The following TIAM1 variants were observed in gnomAD, a reference collection of about 807,000 sequenced individuals.
TIAM1 encodes rho guanine nucleotide exchange factor TIAM1.
In TIAM1, 65 loss-of-function variants were observed where a neutral mutation model predicts 163.5. The ratio of observed to expected loss-of-function variants is 0.40; its 90% CI spans 0.33 to 0.49. The LOEUF (loss-of-function observed/expected upper bound fraction) is 0.49. Ranked by LOEUF, TIAM1 falls within the 20% of genes least tolerant of loss-of-function variation. TIAM1 has a pLI of 0.77. For synonymous variants in TIAM1, 833 were observed against 810.1 expected (o/e 1.03, Z -0.48); for missense variants, 1,789 against 2,044.7 (o/e 0.87, Z 2.41).
chr21:31,529,208 C>T (rs931476785), intron 1 of TIAM1, among the ~76,000 whole-genome samples: 5 of 151,764 alleles, frequency 3.3e-5, no homozygotes, highest in African/African-American at 1.2e-4. Context: ...TGTGAGCCAC[C>T]GCGCCCAGCC....
chr21:31,456,607 T>C (rs1288537146), intron 2 of TIAM1, among the ~76,000 whole-genome samples: 3 of 143,360 alleles, frequency 2.1e-5, no homozygotes, highest in Non-Finnish European at 4.8e-5. Context: ...TCAACTTTCA[T>C]GTTTTTAAAA....
At chr21:31,188,883 T>A (rs2085421677) in intron 13 of TIAM1, among the ~76,000 whole-genome samples, 1 of 151,830 alleles carries the variant, frequency 6.6e-6, no homozygotes, top group Non-Finnish European at 1.5e-5. Flanking sequence ...CCCAGTTTTT[T>A]TTCTATTAAA....
At chr21:31,377,339 C>T (rs1037674015) in intron 2 of TIAM1, among the ~76,000 whole-genome samples, 5 of 152,054 alleles carry the variant, frequency 3.3e-5, no homozygotes, top group Non-Finnish European at 7.4e-5. Context: ...CTTCTTCCTC[C>T]GGGTAAGCTG....
chr21:31,228,643 A>T (rs563022540), intron 6 of TIAM1, among the ~76,000 whole-genome samples: 2 of 152,364 alleles, frequency 1.3e-5, no homozygotes, highest in Admixed American at 1.3e-4. Context: ...TAACACATAT[A>T]AACTGGGCAC....
chr21:31,532,090 C>T (rs1401745152), intron 1 of TIAM1, among the ~76,000 whole-genome samples: 1 of 152,136 alleles, frequency 6.6e-6, no homozygotes, highest in Non-Finnish European at 1.5e-5. Context: ...GCATTCCAGC[C>T]TGGGTGACAG....
In TIAM1 at chr21:31,130,317, T is replaced by C. The variant is rs2082364931; in HGVS notation, c.3943-2A>G. ...AATGGAAAGCCTGTGAGATCCTACC[T>C]GCAGAGGAGAAGGAACCAGCTGCAT... On this transcript the variant is annotated splice_acceptor_variant, in intron 24 of 27. Transcript: ENST00000541036. LOFTEE classifies it high-confidence loss of function. 6.2e-7 allele frequency: 1 copy of C among 1,612,708 alleles called. No homozygotes were observed.
intron 4 of TIAM1, among the ~76,000 whole-genome samples, chr21:31,259,076 G>C (rs542030185): frequency 6.6e-6 from 1 of 151,562 alleles, no homozygotes; most frequent in African/African-American, 2.4e-5. Context: ...GACACAATTT[G>C]AGTCAAGGGG....
At chr21:31,295,425 A>T (rs189681130) in intron 2 of TIAM1, among the ~76,000 whole-genome samples, 14 of 140,894 alleles carry the variant, frequency 9.9e-5, no homozygotes, top group Non-Finnish European at 1.8e-4. Flanking sequence ...CGCCGAGATC[A>T]CGCCACTGCA....
chr21:31,280,230 G>A (rs1278078097), intron 2 of TIAM1, among the ~76,000 whole-genome samples: 1 of 152,202 alleles, frequency 6.6e-6, no homozygotes, highest in Non-Finnish European at 1.5e-5. Flanking sequence ...ATTCCCACGT[G>A]TCATGGGAGG....
At chr21:31,504,663 G>T (rs1483636368) in intron 1 of TIAM1, among the ~76,000 whole-genome samples, 1 of 152,178 alleles carries the variant, frequency 6.6e-6, no homozygotes, top group Admixed American at 6.5e-5. Flanking sequence ...TGCACCAGGG[G>T]CTGATGACTT....
chr21:31,281,110 A>G (rs1476755008), intron 2 of TIAM1, among the ~76,000 whole-genome samples: 4 of 144,890 alleles, frequency 2.8e-5, no homozygotes, highest in East Asian at 4.1e-4. Flanking sequence ...AAAAAAAAAC[A>G]ACGACAAAAA....
chr21:31,297,839 G>C (rs1365669515), intron 2 of TIAM1, among the ~76,000 whole-genome samples: 1 of 152,184 alleles, frequency 6.6e-6, no homozygotes, highest in East Asian at 1.9e-4. Context: ...TGAAGAGGGA[G>C]GGGTGCAACT....
At chr21:31,466,898 T>C (rs1280180815) in intron 1 of TIAM1, among the ~76,000 whole-genome samples, 1 of 152,026 alleles carries the variant, frequency 6.6e-6, no homozygotes, top group African/African-American at 2.4e-5. Context: ...TTGAGGCAGA[T>C]TGATTCATCA....
chr21:31,177,923 G>A lies in TIAM1; in HGVS notation c.2887+4498C>T, dbSNP rs371167791. ...CTGAGACCCAGCAAGGCTCTCTGTC[G>A]AGGACACCAATCATCCACCTTAACT... is the stretch of plus-strand genomic sequence containing the variant. On this transcript the variant is annotated intron_variant, in intron 15 of 27. Coordinates refer to ENST00000541036, the MANE Select transcript of TIAM1 (RefSeq NM_001353694.2). Among the ~76,000 whole-genome samples the A allele has an allele frequency of 9.2e-5, 14 of 152,088 alleles. No individual in the cohort carries two copies. In the East Asian group the frequency reaches 2.7e-3, roughly 29 times the overall value.
chr21:31,157,091 T>G (rs781004321), intron 16 of TIAM1, among the ~76,000 whole-genome samples: 1 of 152,194 alleles, frequency 6.6e-6, no homozygotes, highest in Non-Finnish European at 1.5e-5. Flanking sequence ...GTAGGCTAAT[T>G]GATACAAACA....
chr21:31,457,010 T>G (rs951355475), intron 2 of TIAM1, among the ~76,000 whole-genome samples: 1 of 152,238 alleles, frequency 6.6e-6, no homozygotes, highest in Non-Finnish European at 1.5e-5. Flanking sequence ...TTTTGCAATG[T>G]TTTTCACAGT....
intron 2 of TIAM1, among the ~76,000 whole-genome samples, chr21:31,445,656 G>A (rs2044595336): frequency 6.6e-6 from 1 of 152,140 alleles, no homozygotes; most frequent in Admixed American, 6.5e-5. Flanking sequence ...CCAAAGACCT[G>A]TTCTCTTCAT....
intron 6 of TIAM1, among the ~76,000 whole-genome samples, chr21:31,228,734 T>G (rs1170200823): frequency 6.6e-6 from 1 of 152,258 alleles, no homozygotes; most frequent in African/African-American, 2.4e-5. Flanking sequence ...TATTAGTCCA[T>G]TCTCATGCTG....
At chr21:31,217,435 G>T in intron 9 of TIAM1, 118 bp downstream of exon 9, 1 of 1,382,632 alleles carries the variant, frequency 7.2e-7, no homozygotes, top group Non-Finnish European at 9.9e-7. Context: ...GTTTCTTTGT[G>T]CCAACTAGTT....
Sources: gnomAD v4.1 joint callset for allele counts (sites outside exome capture counted in the v4.1 genomes callset) on GRCh38, gnomAD v4.1.1 for gene constraint, MANE v1.5 for transcripts, NCBI Gene and HGNC (gene_info 2026-07-23, HGNC 2026-07-21) for gene names.